Variants in SPAG16 observed in about 807,000 individuals in gnomAD.
SPAG16 encodes the protein sperm-associated antigen 16 protein.
In SPAG16, 86 loss-of-function variants were observed where a neutral mutation model predicts 80.4. The ratio of observed to expected loss-of-function variants is 1.07; its 90% CI spans 0.90 to 1.28. The LOEUF (loss-of-function observed/expected upper bound fraction) is 1.28. Among genes scored for constraint, SPAG16 ranks in the 50% most tolerant of loss-of-function variants. SPAG16 has a pLI of 0.00. For synonymous variants in SPAG16, 294 were observed against 265.9 expected, an observed-to-expected ratio of 1.11 and a Z score of -1.03; for missense variants, 870 against 765.3, an observed-to-expected ratio of 1.14 and a Z score of -1.61.
intron 13 of SPAG16, among the ~76,000 whole-genome samples, chr2:214,057,724 C>A (rs1302673541): frequency 6.6e-6 from 1 of 152,158 alleles, no homozygotes; most frequent in East Asian, 1.9e-4. Context: ...CAATAGAAGG[C>A]TTTTTCATCT....
At chr2:213,826,070 T>C (rs1200927052) in intron 10 of SPAG16, among the ~76,000 whole-genome samples, 1 of 152,004 alleles carries the variant, frequency 6.6e-6, no homozygotes, top group Non-Finnish European at 1.5e-5. Flanking sequence ...CCTGTAATAA[T>C]CCTTTTAATT....
chr2:214,338,859 T>G (rs1396491748), intron 15 of SPAG16, among the ~76,000 whole-genome samples: 2 of 152,238 alleles, frequency 1.3e-5, no homozygotes, highest in Non-Finnish European at 2.9e-5. Flanking sequence ...ATTTTTGTTG[T>G]TTTTAATTAT....
intron 10 of SPAG16, among the ~76,000 whole-genome samples, chr2:213,746,499 G>A (rs559842033): frequency 1.7e-4 from 26 of 152,190 alleles, no homozygotes; most frequent in Admixed American, 3.3e-4. Flanking sequence ...CTACTGCACC[G>A]CCAGTTATAT....
At chr2:214,069,233 A>G (rs2050672945) in intron 13 of SPAG16, among the ~76,000 whole-genome samples, 2 of 152,126 alleles carry the variant, frequency 1.3e-5, no homozygotes, top group African/African-American at 4.8e-5. Context: ...TATATTGTTA[A>G]GCTGCTAATT....
At chr2:213,610,517 C>T (rs1470626216) in intron 10 of SPAG16, among the ~76,000 whole-genome samples, 2 of 152,162 alleles carry the variant, frequency 1.3e-5, no homozygotes, top group East Asian at 1.9e-4. Context: ...ATCACCATAA[C>T]CTGTTTTGCC....
intron 12 of SPAG16, among the ~76,000 whole-genome samples, chr2:213,966,692 T>C (rs1333574048): frequency 6.6e-6 from 1 of 152,228 alleles, no homozygotes; most frequent in African/African-American, 2.4e-5. Flanking sequence ...ATAATCCTTA[T>C]TAAAAATAGT....
intron 15 of SPAG16, among the ~76,000 whole-genome samples, chr2:214,346,390 T>C (rs1449348994): frequency 6.6e-6 from 1 of 152,220 alleles, no homozygotes; most frequent in Non-Finnish European, 1.5e-5. Flanking sequence ...TTATGAAGAA[T>C]GCCTGATTCA....
intron 15 of SPAG16, among the ~76,000 whole-genome samples, chr2:214,353,121 ATATT>A (rs1698533389): frequency 6.6e-6 from 1 of 152,134 alleles, no homozygotes; most frequent in African/African-American, 2.4e-5. Context: ...CATAATCTAA[ATATT>A]TATTTGGTCT....
At chr2:213,455,774 C>T (rs1402857188) in intron 9 of SPAG16, among the ~76,000 whole-genome samples, 1 of 152,156 alleles carries the variant, frequency 6.6e-6, no homozygotes, top group East Asian at 1.9e-4. Flanking sequence ...TGGTAATGCT[C>T]CCCTGCCCAT....
At position 214,022,557 on chromosome 2, in the gene SPAG16, G is replaced by C. The variant is rs549060015; in HGVS notation, c.1527+8480G>C. On this transcript the variant is annotated intron_variant, in intron 13 of 15. Transcript: ENST00000331683. ...GTATCTTTTAGATATTCTTACAGCA[G>C]TTGTCATGCCATATAATTGTTTAGT... Among the ~76,000 whole-genome samples the C allele has an allele frequency of 1.8e-4, 28 of 152,206 alleles. No homozygotes were observed. The South Asian group carries it at 5.8e-3, about 31-fold the overall frequency.
chr2:213,388,479 C>T lies in SPAG16; in HGVS notation c.942+13360C>T, dbSNP rs2067566893. ...TGGGGAAAATTAGAAAGTGACCACACAAGCCTGGGGATAGGTGGAGGCTCA... is the reference window on the plus strand; with the variant it reads ...TGGGGAAAATTAGAAAGTGACCACATAAGCCTGGGGATAGGTGGAGGCTCA... On this transcript the variant is annotated intron_variant, in intron 9 of 15. Transcript: ENST00000331683. Among the ~76,000 whole-genome samples, 5 of 152,150 alleles carry T rather than the reference C, an allele frequency of 3.3e-5. No individual in the cohort carries two copies. The South Asian group carries it at 1.0e-3, about 32-fold the overall frequency.
chr2:213,493,015 CAAAG>C (rs1267185181), intron 10 of SPAG16, among the ~76,000 whole-genome samples: 1 of 151,984 alleles, frequency 6.6e-6, no homozygotes. Context: ...TTGCGAATCA[CAAAG>C]AAAGAATTTG....
intron 9 of SPAG16, among the ~76,000 whole-genome samples, chr2:213,464,080 T>C (rs2072536966): frequency 6.6e-6 from 1 of 152,208 alleles, no homozygotes; most frequent in Non-Finnish European, 1.5e-5. Flanking sequence ...TGACATTTGT[T>C]TCCGTTCCTG....
chr2:213,627,155 C>T (rs2061990167), intron 10 of SPAG16, among the ~76,000 whole-genome samples: 1 of 152,108 alleles, frequency 6.6e-6, no homozygotes, highest in Non-Finnish European at 1.5e-5. Context: ...AGTGTCAGTA[C>T]AGTATTATGA....
chr2:213,622,519 T>C (rs988998221), intron 10 of SPAG16, among the ~76,000 whole-genome samples: 18 of 152,186 alleles, frequency 1.2e-4, no homozygotes, highest in Non-Finnish European at 2.5e-4. Context: ...AAAACCTCCT[T>C]CCTTGACAAT....
chr2:213,538,880 C>T (rs2125910347), intron 10 of SPAG16, among the ~76,000 whole-genome samples: 1 of 152,244 alleles, frequency 6.6e-6, no homozygotes, highest in African/African-American at 2.4e-5. Context: ...TACATACAGA[C>T]ACACACATAA....
chr2:214,217,006 A>G (rs1208098739), intron 15 of SPAG16, among the ~76,000 whole-genome samples: 2 of 152,232 alleles, frequency 1.3e-5, no homozygotes, highest in Non-Finnish European at 2.9e-5. Flanking sequence ...TTTATAGATT[A>G]ACAAATACAA....
chr2:214,027,878 TTC>T (rs2048216173), intron 13 of SPAG16, among the ~76,000 whole-genome samples: 1 of 151,980 alleles, frequency 6.6e-6, no homozygotes, highest in African/African-American at 2.4e-5. Flanking sequence ...TGAACATTTT[TTC>T]TGTTTGTCTT....
intron 13 of SPAG16, among the ~76,000 whole-genome samples, chr2:214,014,830 T>G (rs1313400772): frequency 1.3e-5 from 2 of 152,162 alleles, no homozygotes; most frequent in African/African-American, 4.8e-5. Context: ...CCTTGTCAAC[T>G]GAAGAGTGAC....
Sources: gnomAD v4.1 joint callset for allele counts (sites outside exome capture counted in the v4.1 genomes callset) on GRCh38, gnomAD v4.1.1 for gene constraint, MANE v1.5 for transcripts, NCBI Gene and HGNC (gene_info 2026-07-23, HGNC 2026-07-21) for gene names.